ATP11A: variants seen among roughly 807,000 people sequenced by gnomAD.
The protein encoded by ATP11A is ATPase phospholipid transporting 11A, also known as phospholipid-transporting ATPase IH.
A neutral mutation model predicts 154.4 loss-of-function variants in ATP11A; 81 were observed. The ratio of observed to expected loss-of-function variants is 0.52; its 90% CI spans 0.44 to 0.63. The LOEUF (loss-of-function observed/expected upper bound fraction) is 0.63. Among genes scored for constraint, ATP11A ranks in the 30% least tolerant of loss-of-function variants. The pLI is 0.00. For synonymous variants in ATP11A, 623 were observed against 585.9 expected, an observed-to-expected ratio of 1.06 and a Z score of -0.91; for missense variants, 1,316 against 1,474.3, an observed-to-expected ratio of 0.89 and a Z score of 1.76.
chr13:112,867,574 C>T (rs927876829), intron 25 of ATP11A, among the ~76,000 whole-genome samples: 11 of 152,196 alleles, frequency 7.2e-5, no homozygotes, highest in Non-Finnish European at 4.4e-5. Context: ...GATCCCTGGA[C>T]CCCTGGCGTG....
In ATP11A at chr13:112,799,954, A is replaced by G. The variant is rs1412122138; in HGVS notation, c.163-5003A>G. Among the ~76,000 whole-genome samples, 6 of 152,364 alleles carry G rather than the reference A, an allele frequency of 3.9e-5. No homozygotes were observed. The Middle Eastern group carries it at 0.01, about 259-fold the overall frequency. ...CACTACTAAATAACACATGAACCAA[A>G]GAAGTCTCAAGAGGCATAAAAATAT... is the stretch of plus-strand genomic sequence containing the variant. On this transcript the variant is annotated intron_variant, in intron 2 of 29. Coordinates refer to ENST00000375645, the MANE Select transcript of ATP11A (RefSeq NM_015205.3).
At chr13:112,720,723 A>G (rs1889061591) in intron 1 of ATP11A, among the ~76,000 whole-genome samples, 1 of 152,010 alleles carries the variant, frequency 6.6e-6, no homozygotes, top group Non-Finnish European at 1.5e-5. Flanking sequence ...ACGCCCGGCT[A>G]ATTTTTGTAT....
At position 112,857,980 on chromosome 13, in the gene ATP11A, A is replaced by G. The variant is rs1332531146; in HGVS notation, c.2521+60A>G. On this transcript the variant is annotated intron_variant, in intron 21 of 29. Transcript: ENST00000375645. ...GGCCAGGTCACCCCTTCGCTAGACA[A>G]AGGCCCATGGCAGCACGCAGGTGCA... 8 of 1,591,106 alleles carry G rather than the reference A, an allele frequency of 5.0e-6. No individual in the cohort carries two copies. In the East Asian group the frequency reaches 8.9e-5, roughly 18 times the overall value.
At chr13:112,798,004 A>C (rs995276872) in intron 2 of ATP11A, among the ~76,000 whole-genome samples, 1 of 152,180 alleles carries the variant, frequency 6.6e-6, no homozygotes, top group Non-Finnish European at 1.5e-5. Flanking sequence ...TCTGCTTCCA[A>C]GATGGCTCCT....
chr13:112,765,163 C>T (rs1222939269), intron 1 of ATP11A, among the ~76,000 whole-genome samples: 1 of 140,494 alleles, frequency 7.1e-6, no homozygotes, highest in South Asian at 2.6e-4. Context: ...CCCCCCGCCC[C>T]GGCTCTGGAA....
At chr13:112,706,447 T>TC (rs1337170542) in intron 1 of ATP11A, among the ~76,000 whole-genome samples, 1 of 152,230 alleles carries the variant, frequency 6.6e-6, no homozygotes, top group Non-Finnish European at 1.5e-5. Flanking sequence ...CATGGCTTTT[T>TC]CCTAAGTGTG....
At chr13:112,829,033 C>T (rs148062078) in intron 12 of ATP11A, among the ~76,000 whole-genome samples, 1 of 152,260 alleles carries the variant, frequency 6.6e-6, no homozygotes, top group African/African-American at 2.4e-5. Context: ...TGCACCTTCT[C>T]TGTATCCTGT....
At chr13:112,881,746 T>C (rs1354498310) in intron 29 of ATP11A, 130 bp from the exon 30 acceptor site, 8 of 1,330,300 alleles carry the variant, frequency 6.0e-6, no homozygotes, top group Non-Finnish European at 8.0e-6. Flanking sequence ...CATCCCAGAG[T>C]GGCTCAGGTC....
At chr13:112,819,058 A>G (rs976902389) in intron 6 of ATP11A, among the ~76,000 whole-genome samples, 1 of 152,254 alleles carries the variant, frequency 6.6e-6, no homozygotes, top group South Asian at 2.1e-4. Flanking sequence ...CCCTTGAAGA[A>G]TTCGAGCATT....
At chr13:112,823,532 GC>G (rs1435308389) in intron 9 of ATP11A, 123 bp downstream of exon 9, 2 of 714,488 alleles carry the variant, frequency 2.8e-6, no homozygotes, top group African/African-American at 3.6e-5. Flanking sequence ...AGGCTTTCTG[GC>G]CGCGCAAGTT....
chr13:112,692,186 C>G (rs987531096), intron 1 of ATP11A, among the ~76,000 whole-genome samples: 3 of 152,182 alleles, frequency 2.0e-5, no homozygotes, highest in Non-Finnish European at 4.4e-5. Context: ...CCTTATTTTC[C>G]TGCTTTGTTT....
chr13:112,711,264 G>T (rs1470091365), intron 1 of ATP11A, among the ~76,000 whole-genome samples: 1 of 152,170 alleles, frequency 6.6e-6, no homozygotes, highest in Non-Finnish European at 1.5e-5. Flanking sequence ...TAAAAAAGTG[G>T]CTTGAAGTAT....
At chr13:112,803,179 C>T (rs978391137) in intron 2 of ATP11A, among the ~76,000 whole-genome samples, 1 of 152,226 alleles carries the variant, frequency 6.6e-6, no homozygotes, top group African/African-American at 2.4e-5. Context: ...TATATACTCT[C>T]TAAGCCACTG....
chr13:112,805,065 T>C lies in ATP11A; in HGVS notation c.252+19T>C, dbSNP rs1208790228. The stretch of plus-strand genomic sequence containing the variant: ...GGTGCAGGTAAGGCCGGTCATTGTT[T>C]TCCATCTCATCACATATAAATCTAA... On this transcript the variant is annotated intron_variant, in intron 3 of 29. Coordinates refer to ENST00000375645, the MANE Select transcript of ATP11A (RefSeq NM_015205.3). 1.3e-6 allele frequency: 2 copies of C among 1,550,154 alleles called. No individual in the cohort carries two copies. The highest frequency in any genetic ancestry group is 4.5e-5 in the East Asian group (2 of 44,194).
rs1204324398 is a variant in ATP11A, at chr13:112,863,103, A to C, written c.2991+528A>C. 9.1e-4 allele frequency among the ~76,000 whole-genome samples: 83 copies of C among 91,636 alleles called. 1 individual carries two copies. The highest frequency in any genetic ancestry group is 2.7e-3 in the African/African-American group (65 of 23,750). 60.1% of individuals were successfully genotyped at this position (91,636 alleles called of 152,430 possible). On this transcript the variant is annotated intron_variant, in intron 25 of 29. Coordinates refer to ENST00000375645, the MANE Select transcript of ATP11A (RefSeq NM_015205.3). ...CACCTGCACAGTAATTCAGCGTAGC[A>C]CATGCAGTTTCCCAGCGGGGTCCAT...
In ATP11A at chr13:112,746,696, C is replaced by T. The variant is rs1301587329; in HGVS notation, c.40-38439C>T. Reference sequence around the variant, plus strand: ...CAGTAGCTGGGATCACAGGCGTGCACCACCATGCCTGGCTAATTAAAAAAA... The same window carrying T: ...CAGTAGCTGGGATCACAGGCGTGCATCACCATGCCTGGCTAATTAAAAAAA... On this transcript the variant is annotated intron_variant, in intron 1 of 29. Transcript: ENST00000375645. This position sits in a 1 kb window ranked among gnomAD's most constrained non-coding sequence, Gnocchi z 4.1. The T allele has an allele frequency of 4.7e-5, 7 of 149,186 alleles. No homozygotes were observed. The allele number at this position is 149,186 out of a possible 1,614,324, so 9.2% of individuals were successfully genotyped here. A position where few individuals can be genotyped will look rare whatever the true frequency, so the allele number is the denominator to read the frequency against.
intron 26 of ATP11A, among the ~76,000 whole-genome samples, chr13:112,872,262 A>G (rs1053208610): frequency 6.6e-6 from 1 of 152,228 alleles, no homozygotes; most frequent in African/African-American, 2.4e-5. Flanking sequence ...AAGTGATACC[A>G]AAACATTCCT....
chr13:112,862,664 G>T, intron 25 of ATP11A, 89 bp downstream of exon 25: 4 of 1,563,712 alleles, frequency 2.6e-6, no homozygotes, highest in Non-Finnish European at 3.5e-6. Context: ...GCAGAATTCA[G>T]TGCAGCCCAT....
At position 112,886,688 on chromosome 13, in the gene ATP11A, AT is replaced by A. The variant is rs1479631642; in HGVS notation, c.*4828del. The A allele has an allele frequency of 6.6e-6, 1 of 152,534 alleles. No individual in the cohort carries two copies. Among genetic ancestry groups the A allele is most frequent in the Non-Finnish European group, 1.5e-5 (1 of 68,016 alleles). 9.4% of individuals were successfully genotyped at this position (152,534 alleles called of 1,614,324 possible). A position where few individuals can be genotyped will look rare whatever the true frequency, so the allele number is the denominator to read the frequency against. On this transcript the variant is annotated 3_prime_UTR_variant, in exon 30 of 30. Coordinates refer to ENST00000375645, the MANE Select transcript of ATP11A (RefSeq NM_015205.3). Reference sequence around the variant, plus strand: ...TCTAAAGATCAATTTATATAGCTTTATTTTTTACTTTATCAAAGTATACAGA... The same window carrying A: ...TCTAAAGATCAATTTATATAGCTTTATTTTTACTTTATCAAAGTATACAGA...
Sources: gnomAD v4.1 joint callset for allele counts (sites outside exome capture counted in the v4.1 genomes callset) on GRCh38, gnomAD v4.1.1 for gene constraint, Gnocchi (gnomAD v3.1) non-coding constraint, MANE v1.5 for transcripts, NCBI Gene and HGNC (gene_info 2026-07-23, HGNC 2026-07-21) for gene names.